The following CD59 variants were observed in gnomAD, a reference collection of about 807,000 sequenced individuals.
CD59 encodes the protein CD59 molecule (CD59 blood group).
Under a neutral mutation model 7.0 loss-of-function variants are expected in CD59, and 3 were observed. That is an observed-to-expected ratio of 0.43 (90% CI 0.19 to 1.10). CD59 has a LOEUF of 1.10. Ranked by LOEUF, CD59 falls within the 50% of genes least tolerant of loss-of-function variation. CD59 has a pLI of 0.29. For synonymous variants in CD59, 60 were observed against 62.0 expected (o/e 0.97, Z 0.15); for missense variants, 143 against 151.0 (o/e 0.95, Z 0.28).
At chr11:33,710,725 T>A (rs1460353600) in intron 3 of CD59, among the ~76,000 whole-genome samples, 1 of 148,088 alleles carries the variant, frequency 6.8e-6, no homozygotes, top group Non-Finnish European at 1.5e-5. Context: ...TTTCTTTTCT[T>A]TTTTTTTTTT....
chr11:33,712,360 G>A (rs1425877237), intron 3 of CD59, among the ~76,000 whole-genome samples: 9 of 152,178 alleles, frequency 5.9e-5, no homozygotes, highest in Admixed American at 5.9e-4. Context: ...ATTCAAAATT[G>A]CTAAAAAGTG....
intron 1 of CD59, among the ~76,000 whole-genome samples, chr11:33,735,373 G>C (rs1854534909): frequency 6.6e-6 from 1 of 152,168 alleles, no homozygotes; most frequent in Admixed American, 6.5e-5. Flanking sequence ...AAGAGCCTGG[G>C]TATCACTAAA....
intron 1 of CD59, among the ~76,000 whole-genome samples, chr11:33,734,541 G>C (rs913532493): frequency 1.8e-4 from 28 of 152,130 alleles, no homozygotes; most frequent in African/African-American, 6.5e-4. Context: ...TCATTGGTCA[G>C]CTCCCACTTA....
chr11:33,719,691 A>G (rs1477418741), intron 2 of CD59: 1 of 152,250 alleles, frequency 6.6e-6, no homozygotes, highest in East Asian at 1.9e-4. Flanking sequence ...GACAAGACAG[A>G]TGTCTGGAGA....
chr11:33,710,445 G>A, intron 3 of CD59, 102 bp from the exon 4 acceptor site: 1 of 921,312 alleles, frequency 1.1e-6, no homozygotes, highest in Non-Finnish European at 1.8e-6. Context: ...TGCAAGTAGA[G>A]ACTTCTAGGC....
intron 2 of CD59, chr11:33,719,587 A>C (rs1424739427): frequency 6.6e-6 from 1 of 152,236 alleles, no homozygotes; most frequent in Non-Finnish European, 1.5e-5. Flanking sequence ...GCACCACTGC[A>C]CTCCAGCCTG....
chr11:33,717,586 C>T (rs910574394), intron 2 of CD59, 115 bp from the exon 3 acceptor site: 3 of 717,270 alleles, frequency 4.2e-6, no homozygotes, highest in African/African-American at 1.7e-5. Context: ...TACTTCCACT[C>T]CCGCACAAAT....
rs557153832 is a variant in CD59 at position 33,736,228 on chromosome 11, T to A, written c.-19+154A>T. ...AGGACACCGGGCCGCGGTGACGGGT[T>A]GGAAGGGCCAGGCCTCGGGAGGCTC... On this transcript the variant is annotated intron_variant, in intron 1 of 3. Coordinates refer to ENST00000642928, the MANE Select transcript of CD59 (RefSeq NM_000611.6). The surrounding 1 kb of genome is among the most constrained non-coding windows in gnomAD (Gnocchi z 4.4). Among the ~76,000 whole-genome samples the A allele has an allele frequency of 8.5e-5, 13 of 152,242 alleles. No individual in the cohort carries two copies. The highest frequency in any genetic ancestry group is 2.9e-4 in the African/African-American group (12 of 41,542).
At chr11:33,710,735 TAG>T (rs1853512527) in intron 3 of CD59, among the ~76,000 whole-genome samples, 7 of 151,386 alleles carry the variant, frequency 4.6e-5, no homozygotes, top group Admixed American at 4.6e-4. Flanking sequence ...TTTTTTTTTT[TAG>T]AGAGATAAGG....
intron 2 of CD59, 76 bp downstream of exon 2, chr11:33,722,303 G>T: frequency 9.3e-7 from 1 of 1,079,702 alleles, no homozygotes; most frequent in South Asian, 1.2e-5. Flanking sequence ...GAGCAGCTGG[G>T]GCTGAAACTG....
At chr11:33,719,607 G>A (rs1853958494) in intron 2 of CD59, 1 of 152,250 alleles carries the variant, frequency 6.6e-6, no homozygotes, top group South Asian at 2.1e-4. Context: ...GGGAGACAGA[G>A]CGAGACCATG....
At chr11:33,731,148 T>G (rs1013149436) in intron 1 of CD59, among the ~76,000 whole-genome samples, 2 of 152,112 alleles carry the variant, frequency 1.3e-5, no homozygotes, top group Non-Finnish European at 2.9e-5. Context: ...TAATTAAGTT[T>G]TGGGGGAGTC....
Position 33,704,341 on chromosome 11 carries a change from T to A in CD59, c.*5785A>T, listed in dbSNP as rs1466162329. Reference sequence around the variant, plus strand: ...ATGTATAAGCAGTGCCAGGGACAACTAGTAGGTGGTCATTGGAGTGTGGCT... The same window carrying A: ...ATGTATAAGCAGTGCCAGGGACAACAAGTAGGTGGTCATTGGAGTGTGGCT... On this transcript the variant is annotated 3_prime_UTR_variant, in exon 4 of 4. Coordinates refer to ENST00000642928, the MANE Select transcript of CD59 (RefSeq NM_000611.6). 6.6e-6 allele frequency: 1 copy of A among 152,176 alleles called. No individual in the cohort carries two copies. The highest frequency in any genetic ancestry group is 1.5e-5 in the Non-Finnish European group (1 of 68,034). 9.4% of individuals were successfully genotyped at this position (152,176 alleles called of 1,614,324 possible).
In CD59 at chr11:33,717,440, G is replaced by C. The variant is rs747156478; in HGVS notation, c.99C>G (p.Asn33Lys). 6 of 1,613,010 alleles carry C rather than the reference G, an allele frequency of 3.7e-6. No homozygotes were observed. The Admixed American group carries it at 1.0e-4, about 27-fold the overall frequency. Residue 33 changes from asparagine to lysine, a missense_variant, in exon 3 of 4, where the codon AAC (asparagine) becomes AAG (lysine). Transcript: ENST00000642928. ...GHSLQCYNCP[N>K]PTADCKTAVN... The stretch of plus-strand genomic sequence containing the variant: ...CGGCTGTTTTGCAGTCAGCAGTTGG[G>C]TTAGGACAGTTGTAGCACTGCAGGC...
At chr11:33,722,004 C>A (rs1854088064) in intron 2 of CD59, among the ~76,000 whole-genome samples, 1 of 152,036 alleles carries the variant, frequency 6.6e-6, no homozygotes, top group African/African-American at 2.4e-5. Flanking sequence ...AGCCTCAGAG[C>A]AGAAGGACTG....
intron 1 of CD59, among the ~76,000 whole-genome samples, chr11:33,730,113 C>T (rs1034442575): frequency 6.6e-6 from 1 of 152,044 alleles, no homozygotes; most frequent in Non-Finnish European, 1.5e-5. Context: ...TACCCAAAAA[C>T]ATACACAAAT....
intron 3 of CD59, among the ~76,000 whole-genome samples, chr11:33,710,920 T>C (rs1002873970): frequency 6.6e-6 from 1 of 151,774 alleles, no homozygotes; most frequent in Non-Finnish European, 1.5e-5. Flanking sequence ...ACCCAGTCCA[T>C]TAATTTTTAA....
upstream of CD59, chr11:33,736,431 G>A (rs911514579): frequency 3.9e-5 from 6 of 152,750 alleles, no homozygotes; most frequent in Non-Finnish European, 7.3e-5. This position sits in a 1 kb window ranked among gnomAD's most constrained non-coding sequence, Gnocchi z 4.4. Flanking sequence ...TCTGCGCTCA[G>A]CCCCCGCATT....
At chr11:33,722,928 G>C (rs1181517889) in intron 1 of CD59, 1 of 1,082,058 alleles carries the variant, frequency 9.2e-7, no homozygotes, top group Admixed American at 4.7e-5. Context: ...TGGAAGCTCT[G>C]GCTCCTCACT....
Sources: allele counts gnomAD v4.1 joint callset (sites outside exome capture counted in the v4.1 genomes callset), GRCh38; gene constraint gnomAD v4.1.1; non-coding constraint Gnocchi (gnomAD v3.1); transcripts MANE v1.5; gene names NCBI Gene and HGNC (gene_info 2026-07-23, HGNC 2026-07-21).